The following CNTNAP2 variants were observed in gnomAD, a reference collection of about 807,000 sequenced individuals.
The protein encoded by CNTNAP2 is contactin associated protein 2, also known as contactin-associated protein-like 2.
In CNTNAP2, 98 loss-of-function variants were observed where a neutral mutation model predicts 155.2. The observed-to-expected ratio is 0.63, with a 90% confidence interval of 0.54 to 0.75. The LOEUF (loss-of-function observed/expected upper bound fraction) is 0.75, where lower values mean the gene tolerates loss of function less well. Among genes scored for constraint, CNTNAP2 ranks in the 30% least tolerant of loss-of-function variants. The pLI is 0.00. For missense variants in CNTNAP2, 1,727 were observed against 1,688.1 expected (o/e 1.02, Z -0.40); for synonymous variants, 651 against 631.2 (o/e 1.03, Z -0.47).
chr7:147,122,656 C>A (rs1801144939), intron 6 of CNTNAP2: 1 of 152,172 alleles, frequency 6.6e-6, no homozygotes, highest in African/African-American at 2.4e-5. Context: ...GACAGCACAT[C>A]ATTAAAAGGA....
intron 18 of CNTNAP2, among the ~76,000 whole-genome samples, chr7:148,197,330 C>T (rs972160227): frequency 6.6e-6 from 1 of 152,004 alleles, no homozygotes; most frequent in East Asian, 1.9e-4. Flanking sequence ...TAGATGATTC[C>T]GTGAAAAAAT....
At chr7:146,424,960 T>G (rs1584919034) in intron 1 of CNTNAP2, among the ~76,000 whole-genome samples, 1 of 152,294 alleles carries the variant, frequency 6.6e-6, no homozygotes, top group South Asian at 2.1e-4. Flanking sequence ...GCCTTATAAT[T>G]ATCAGTGGTC....
intron 13 of CNTNAP2, among the ~76,000 whole-genome samples, chr7:147,745,866 A>C (rs1433856035): frequency 1.3e-5 from 2 of 152,218 alleles, no homozygotes; most frequent in Non-Finnish European, 2.9e-5. Flanking sequence ...TTCATTTTGA[A>C]CATAATCACT....
chr7:148,009,650 G>T (rs1271056668), intron 15 of CNTNAP2, among the ~76,000 whole-genome samples: 1 of 151,978 alleles, frequency 6.6e-6, no homozygotes, highest in African/African-American at 2.4e-5. Context: ...GTATGTGTGT[G>T]CTCTGTATGT....
At chr7:146,175,499 T>A (rs1425382348) in intron 1 of CNTNAP2, among the ~76,000 whole-genome samples, 1 of 152,186 alleles carries the variant, frequency 6.6e-6, no homozygotes, top group Non-Finnish European at 1.5e-5. Context: ...CTCAGTATGA[T>A]GGGCAAAGAT....
chr7:146,231,488 T>C (rs1231616122), intron 1 of CNTNAP2, among the ~76,000 whole-genome samples: 1 of 152,224 alleles, frequency 6.6e-6, no homozygotes, highest in Non-Finnish European at 1.5e-5. Context: ...CCATGTCTGC[T>C]GACTTATAGA....
intron 1 of CNTNAP2, among the ~76,000 whole-genome samples, chr7:146,316,660 C>A (rs1175553676): frequency 2.0e-5 from 3 of 152,100 alleles, no homozygotes; most frequent in Non-Finnish European, 4.4e-5. Context: ...ACTTAACATA[C>A]GTCCATAAGA....
intron 4 of CNTNAP2, among the ~76,000 whole-genome samples, chr7:147,076,774 T>C (rs1269032626): frequency 1.3e-5 from 2 of 152,218 alleles, no homozygotes; most frequent in African/African-American, 4.8e-5. Flanking sequence ...TTAAGCTGTT[T>C]ATATTTTCTA....
At chr7:147,250,520 C>T (rs1804174218) in intron 8 of CNTNAP2, among the ~76,000 whole-genome samples, 1 of 151,950 alleles carries the variant, frequency 6.6e-6, no homozygotes, top group Non-Finnish European at 1.5e-5. Context: ...AATCATTGCC[C>T]CTTATCCACT....
intron 11 of CNTNAP2, among the ~76,000 whole-genome samples, chr7:147,554,858 A>G (rs981854904): frequency 2.0e-5 from 3 of 152,142 alleles, no homozygotes; most frequent in African/African-American, 7.2e-5. Context: ...AAAAAAAAAA[A>G]TCCAAACAGA....
At chr7:147,738,477 T>G (rs1462047312) in intron 13 of CNTNAP2, among the ~76,000 whole-genome samples, 1 of 152,176 alleles carries the variant, frequency 6.6e-6, no homozygotes. Flanking sequence ...CAATTGGAAG[T>G]CATCAAAATA....
intron 1 of CNTNAP2, among the ~76,000 whole-genome samples, chr7:146,720,549 G>C (rs1037937643): frequency 2.0e-4 from 30 of 151,984 alleles, no homozygotes; most frequent in Non-Finnish European, 3.4e-4. Context: ...TTTTATTAAA[G>C]AATTATCCTT....
At chr7:148,399,353 G>T (rs983897146) in intron 22 of CNTNAP2, among the ~76,000 whole-genome samples, 8 of 152,170 alleles carry the variant, frequency 5.3e-5, no homozygotes, top group African/African-American at 1.7e-4. Flanking sequence ...CGTGCCTATA[G>T]TCCCAGCTAC....
intron 1 of CNTNAP2, among the ~76,000 whole-genome samples, chr7:146,633,832 G>GAAAAAAAAAAAAAAAAAAAAAAA (rs60993956): frequency 7.6e-5 from 6 of 79,050 alleles, no homozygotes; most frequent in African/African-American, 3.0e-4. Flanking sequence ...TGCATCTAGA[G>GAAAAAAAAAAAAAAAAAAAAAAA]AAAAAAAAAA....
At chr7:147,487,493 G>A (rs757235072) in intron 11 of CNTNAP2, among the ~76,000 whole-genome samples, 1 of 152,080 alleles carries the variant, frequency 6.6e-6, no homozygotes, top group Non-Finnish European at 1.5e-5. Context: ...CACTCCACTA[G>A]CATAATTTTT....
At chr7:146,687,473 C>G (rs1456916770) in intron 1 of CNTNAP2, among the ~76,000 whole-genome samples, 2 of 152,060 alleles carry the variant, frequency 1.3e-5, no homozygotes, top group Non-Finnish European at 2.9e-5. Context: ...TGTCTGTGCC[C>G]CTTTTTGTCG....
chr7:147,311,764 G>T (rs985546170), intron 9 of CNTNAP2, among the ~76,000 whole-genome samples: 1 of 152,096 alleles, frequency 6.6e-6, no homozygotes, highest in Admixed American at 6.5e-5. Context: ...CTCTATGACA[G>T]AACAAGTAGG....
intron 1 of CNTNAP2, among the ~76,000 whole-genome samples, chr7:146,607,735 C>T (rs2129153308): frequency 6.6e-6 from 1 of 152,198 alleles, no homozygotes; most frequent in Non-Finnish European, 1.5e-5. Flanking sequence ...GCCTCTGCCG[C>T]CCAAAGTGCT....
At chr7:146,196,520 G>T (rs1030917931) in intron 1 of CNTNAP2, among the ~76,000 whole-genome samples, 3 of 149,842 alleles carry the variant, frequency 2.0e-5, no homozygotes, top group African/African-American at 7.4e-5. Context: ...AAGACTATAG[G>T]GAAAAATTAT....
Sources: gnomAD v4.1 joint callset for allele counts (sites outside exome capture counted in the v4.1 genomes callset) on GRCh38, gnomAD v4.1.1 for gene constraint, MANE v1.5 for transcripts, NCBI Gene and HGNC (gene_info 2026-07-23, HGNC 2026-07-21) for gene names.